KIAA1217: variants seen among roughly 807,000 people sequenced by gnomAD.
KIAA1217 encodes the protein KIAA1217.
Under a neutral mutation model 163.9 loss-of-function variants are expected in KIAA1217, and 88 were observed. The observed-to-expected ratio is 0.54, with a 90% CI of 0.45 to 0.64. The LOEUF (loss-of-function observed/expected upper bound fraction) is 0.64, where lower values mean the gene tolerates loss of function less well. KIAA1217 is among the 30% of genes least tolerant of loss of function. The probability of loss-of-function intolerance (pLI) is 0.00; values close to 1 mark genes in which losing one functional copy is unlikely to be tolerated. For missense variants in KIAA1217, 2,372 were observed against 2,475.0 expected (o/e 0.96, Z 0.88); for synonymous variants, 903 against 923.1 (o/e 0.98, Z 0.39).
intron 4 of KIAA1217, among the ~76,000 whole-genome samples, chr10:24,437,433 T>C (rs892765751): frequency 7.2e-5 from 11 of 152,186 alleles, no homozygotes; most frequent in African/African-American, 2.7e-4. Context: ...AAGCCAGTAA[T>C]CCCAGTGATT....
chr10:23,735,690 T>C (rs151202251), intron 1 of KIAA1217, among the ~76,000 whole-genome samples: 3,073 of 152,248 alleles, frequency 0.02, 45 homozygotes, highest in Non-Finnish European at 0.032. Flanking sequence ...TGATTACCAT[T>C]TCTTTGATGG....
chr10:24,315,714 T>C (rs562880904), intron 2 of KIAA1217, among the ~76,000 whole-genome samples: 1 of 151,892 alleles, frequency 6.6e-6, no homozygotes, highest in African/African-American at 2.4e-5. Context: ...ATCGTGCCAC[T>C]GCATGCTAGC....
chr10:23,766,898 T>C (rs7077455), intron 1 of KIAA1217, among the ~76,000 whole-genome samples: 39,955 of 152,106 alleles, frequency 0.26, 6,165 homozygotes, highest in African/African-American at 0.42. Flanking sequence ...AGCTGGAACA[T>C]GACATTCTTA....
intron 17 of KIAA1217, among the ~76,000 whole-genome samples, chr10:24,540,129 C>T (rs573260990): frequency 2.0e-5 from 3 of 152,286 alleles, no homozygotes; most frequent in East Asian, 1.9e-4. Flanking sequence ...AAGTATAGGT[C>T]GTGTGAAAAC....
intron 1 of KIAA1217, among the ~76,000 whole-genome samples, chr10:23,799,768 AC>A (rs1161438359): frequency 6.6e-6 from 1 of 152,170 alleles, no homozygotes; most frequent in African/African-American, 2.4e-5. Flanking sequence ...ATTAAGAGAA[AC>A]CTAGCAGCTG....
chr10:23,932,069 C>T (rs1843276065), intron 1 of KIAA1217, among the ~76,000 whole-genome samples: 1 of 152,134 alleles, frequency 6.6e-6, no homozygotes, highest in African/African-American at 2.4e-5. Context: ...CACACCTGGG[C>T]TTCTCCCTCC....
chr10:24,219,907 C>A lies in KIAA1217; in HGVS notation c.352C>A (p.Gln118Lys). 1 of 1,593,016 alleles carries A rather than the reference C, an allele frequency of 6.3e-7. No homozygotes were observed. The highest frequency in any genetic ancestry group is 1.1e-5 in the South Asian group (1 of 87,490). The change falls in exon 2 of 21, where the codon CAG (glutamine) becomes AAG (lysine). Residue 118 changes from glutamine to lysine, a missense_variant and splice_region_variant. Transcript: ENST00000376454. The part of the protein sequence containing the change: ...IMGHQERLRD[Q>K]TRSPKLSHSP... The stretch of plus-strand genomic sequence containing the variant: ...GGGTCACCAAGAGAGGCTGAGAGAC[C>A]AGGTACGAATATGCTCTCATTTCTC...
At chr10:24,175,792 G>A (rs2065858409) in intron 2 of KIAA1217, among the ~76,000 whole-genome samples, 1 of 152,056 alleles carries the variant, frequency 6.6e-6, no homozygotes, top group Non-Finnish European at 1.5e-5. Flanking sequence ...AGTTCTTAAG[G>A]TGGTGCATCT....
intron 2 of KIAA1217, among the ~76,000 whole-genome samples, chr10:24,055,275 A>T (rs569435274): frequency 6.6e-6 from 1 of 152,214 alleles, no homozygotes; most frequent in Non-Finnish European, 1.5e-5. Context: ...TCAAAAAATA[A>T]AAAGAAAAAG....
In KIAA1217 at chr10:24,501,565, G is replaced by T. The variant is rs758248088; in HGVS notation, c.2001+20G>T. 1.2e-6 allele frequency: 2 copies of T among 1,603,650 alleles called. No homozygotes were observed. The highest frequency in any genetic ancestry group is 1.3e-5 in the African/African-American group (1 of 74,626). On this transcript the variant is annotated intron_variant, in intron 9 of 20. Coordinates refer to ENST00000376454, the MANE Select transcript of KIAA1217 (RefSeq NM_019590.5). ...CTCCAGGTATTCCTCATGCACGGCG[G>T]CCTCTGTCTCGGTTGCCCTGAGCTC...
At chr10:23,852,291 T>C (rs1336584555) in intron 1 of KIAA1217, among the ~76,000 whole-genome samples, 1 of 152,194 alleles carries the variant, frequency 6.6e-6, no homozygotes, top group African/African-American at 2.4e-5. Context: ...CCATTGCTTG[T>C]TTTTCTCAGG....
intron 3 of KIAA1217, among the ~76,000 whole-genome samples, chr10:24,388,350 A>G (rs568919575): frequency 4.9e-4 from 75 of 152,258 alleles, no homozygotes; most frequent in Non-Finnish European, 9.8e-4. Flanking sequence ...AAAACTGGCT[A>G]GCCATATGTG....
intron 2 of KIAA1217, among the ~76,000 whole-genome samples, chr10:24,008,545 G>A (rs373565908): frequency 3.4e-4 from 51 of 152,220 alleles, no homozygotes; most frequent in Non-Finnish European, 6.3e-4. Context: ...GAGGGCATGC[G>A]GGTGCTGGAT....
intron 1 of KIAA1217, among the ~76,000 whole-genome samples, chr10:23,990,067 T>C (rs1846151566): frequency 6.6e-6 from 1 of 152,062 alleles, no homozygotes; most frequent in African/African-American, 2.4e-5. Context: ...TGGGAGAGAG[T>C]TGATCCTGTG....
intron 16 of KIAA1217, among the ~76,000 whole-genome samples, chr10:24,535,646 G>A (rs574748871): frequency 4.6e-5 from 7 of 152,178 alleles, no homozygotes; most frequent in African/African-American, 1.2e-4. Flanking sequence ...GCGTGGTGGC[G>A]GGTGCCTGTC....
At chr10:23,991,306 T>C (rs1027929310) in intron 1 of KIAA1217, among the ~76,000 whole-genome samples, 1 of 152,234 alleles carries the variant, frequency 6.6e-6, no homozygotes, top group Non-Finnish European at 1.5e-5. Context: ...CTTGCCATCC[T>C]GTTTCCATTG....
intron 2 of KIAA1217, among the ~76,000 whole-genome samples, chr10:24,227,447 C>A (rs1359966847): frequency 6.6e-6 from 1 of 152,016 alleles, no homozygotes; most frequent in African/African-American, 2.4e-5. Flanking sequence ...GTGTGAGCCA[C>A]CGCACCTGGT....
chr10:24,188,679 G>T (rs147045084), intron 2 of KIAA1217, among the ~76,000 whole-genome samples: 2 of 152,176 alleles, frequency 1.3e-5, no homozygotes, highest in Non-Finnish European at 2.9e-5. Context: ...AGAATCAAGT[G>T]TAACGTGTTT....
At chr10:24,453,877 G>T (rs887135504) in intron 5 of KIAA1217, among the ~76,000 whole-genome samples, 1 of 152,136 alleles carries the variant, frequency 6.6e-6, no homozygotes, top group African/African-American at 2.4e-5. Flanking sequence ...ACTAAGGAGA[G>T]AAAAAGTCAA....
Sources: gnomAD v4.1 joint callset for allele counts (sites outside exome capture counted in the v4.1 genomes callset) on GRCh38, gnomAD v4.1.1 for gene constraint, MANE v1.5 for transcripts, NCBI Gene and HGNC (gene_info 2026-07-23, HGNC 2026-07-21) for gene names.